The following CHEK1 variants were observed in gnomAD, a reference collection of about 807,000 sequenced individuals.
CHEK1 encodes the protein checkpoint kinase 1, also known as serine/threonine-protein kinase Chk1.
In CHEK1, 32 loss-of-function variants were observed where a neutral mutation model predicts 60.2. That is an observed-to-expected ratio of 0.53 (90% confidence interval 0.40 to 0.71). CHEK1 has a LOEUF of 0.71. Ranked by LOEUF, CHEK1 falls within the 30% of genes least tolerant of loss-of-function variation. The pLI is 0.00. For synonymous variants in CHEK1, 179 were observed against 187.2 expected (o/e 0.96, Z 0.36); for missense variants, 399 against 564.6 (o/e 0.71, Z 2.97).
Position 125,625,446 on chromosome 11 carries a change from C to G in CHEK1, c.-587C>G, listed in dbSNP as rs760580901. ...GTTCCTCCCATTTCTTCACAGTCGG[C>G]TCTCAGCAGCTGCTGCTGGTTTCTC... On this transcript the variant is annotated 5_prime_UTR_variant, in exon 1 of 13. Transcript: ENST00000438015. The G allele has an allele frequency of 2.1e-5, 7 of 329,820 alleles. No individual in the cohort carries two copies. Among genetic ancestry groups the G allele is most frequent in the Non-Finnish European group, 3.9e-5 (7 of 178,782 alleles). The allele number at this position is 329,820 out of a possible 1,614,324, so 20.4% of individuals were successfully genotyped here. A position where few individuals can be genotyped will look rare whatever the true frequency, so the allele number is the denominator to read the frequency against.
intron 7 of CHEK1, chr11:125,636,121 G>A (rs1446597372): frequency 1.3e-5 from 2 of 151,998 alleles, no homozygotes; most frequent in Non-Finnish European, 1.5e-5. Context: ...TTATACGTGT[G>A]GTCCATTCCT....
downstream of CHEK1, chr11:125,678,303 A>G (rs776560355): frequency 1.2e-5 from 20 of 1,612,508 alleles, no homozygotes; most frequent in Non-Finnish European, 1.5e-5. Context: ...TGTTCCTGGG[A>G]TGGAGAAGGA....
rs539076426 is a variant in CHEK1, at chr11:125,671,505, T to C, written c.*28-4423T>C. 1.9e-4 allele frequency: 29 copies of C among 152,326 alleles called. No individual in the cohort carries two copies. The East Asian group carries it at 4.8e-3, about 25-fold the overall frequency. The allele number at this position is 152,326 out of a possible 1,614,324, so 9.4% of individuals were successfully genotyped here. A position where few individuals can be genotyped will look rare whatever the true frequency, so the allele number is the denominator to read the frequency against. On this transcript the variant is annotated intron_variant, in intron 13 of 13. Transcript: ENST00000428830. Reference sequence around the variant, plus strand: ...GCCAGTGAAGAGCTTGTTAGCAATATATTTTGGGGAAGGGGTCATGATGTG... The same window carrying C: ...GCCAGTGAAGAGCTTGTTAGCAATACATTTTGGGGAAGGGGTCATGATGTG...
chr11:125,660,048 T>C (rs1212481267), downstream of CHEK1, among the ~76,000 whole-genome samples: 2 of 152,186 alleles, frequency 1.3e-5, no homozygotes, highest in Non-Finnish European at 2.9e-5. Flanking sequence ...TGAATAATTT[T>C]CGTGTGCGTG....
chr11:125,641,655 C>T (rs1471746965), intron 8 of CHEK1, among the ~76,000 whole-genome samples: 2 of 152,198 alleles, frequency 1.3e-5, no homozygotes, highest in South Asian at 4.1e-4. Context: ...TTAATGGCAA[C>T]TGCATTATTC....
At chr11:125,667,356 A>G (rs577978738) in intron 13 of CHEK1, among the ~76,000 whole-genome samples, 1 of 152,212 alleles carries the variant, frequency 6.6e-6, no homozygotes, top group African/African-American at 2.4e-5. Context: ...TCATGGCTGC[A>G]TATTATTCCT....
rs2553832 is a variant in CHEK1 at position 125,631,835 on chromosome 11, C to G, written c.425-1328C>G. ...TGTGATCACATCACTACACTCTAGT[C>G]TGGGCAGCAGAGTGAGACACTTTCT... is the stretch of plus-strand genomic sequence containing the variant. On this transcript the variant is annotated intron_variant, in intron 5 of 12. Coordinates refer to ENST00000438015, the MANE Select transcript of CHEK1 (RefSeq NM_001114122.3). 8.6e-5 allele frequency among the ~76,000 whole-genome samples: 10 copies of G among 116,068 alleles called. No individual in the cohort carries two copies. In the East Asian group the frequency reaches 2.0e-3, roughly 23 times the overall value. 76.1% of individuals were successfully genotyped at this position (116,068 alleles called of 152,430 possible). A position where few individuals can be genotyped will look rare whatever the true frequency, so the allele number is the denominator to read the frequency against.
intron 13 of CHEK1, among the ~76,000 whole-genome samples, chr11:125,673,507 T>C (rs1310087327): frequency 6.6e-6 from 1 of 152,108 alleles, no homozygotes; most frequent in Non-Finnish European, 1.5e-5. Flanking sequence ...GGCCTGAAAC[T>C]ACACCCTTTC....
chr11:125,676,408 G>T (rs372486582), downstream of CHEK1: 29 of 1,614,064 alleles, frequency 1.8e-5, no homozygotes, highest in Non-Finnish European at 2.5e-5. Flanking sequence ...GAGTGATGCA[G>T]GTTCCCTCTC....
intron 7 of CHEK1, 34 bp from the exon 8 acceptor site, chr11:125,637,413 TTC>T: frequency 6.4e-7 from 1 of 1,556,588 alleles, no homozygotes; most frequent in South Asian, 1.2e-5. Context: ...TCTAACATGA[TTC>T]TTTCGTGAAT....
chr11:125,654,992 G>A (rs755297976), intron 12 of CHEK1, among the ~76,000 whole-genome samples: 1 of 152,130 alleles, frequency 6.6e-6, no homozygotes, highest in Non-Finnish European at 1.5e-5. Flanking sequence ...TCTGCTCTCT[G>A]AGCTCAGTGC....
intron 13 of CHEK1, among the ~76,000 whole-genome samples, chr11:125,666,038 A>T (rs1356066902): frequency 6.7e-6 from 1 of 149,644 alleles, no homozygotes; most frequent in Non-Finnish European, 1.5e-5. Flanking sequence ...TTTGGATTTG[A>T]TTTTTTTAAA....
chr11:125,627,445 A>C (rs561846166), intron 2 of CHEK1, among the ~76,000 whole-genome samples, 162 bp from the exon 3 acceptor site: 1 of 152,328 alleles, frequency 6.6e-6, no homozygotes, highest in East Asian at 1.9e-4. Flanking sequence ...ACATTTTAGA[A>C]AAGAGTAGTG....
chr11:125,676,235 A>C, exon 14 of CHEK1: 4 of 1,296,604 alleles, frequency 3.1e-6, no homozygotes, highest in Non-Finnish European at 4.3e-6. Context: ...TCCTTGAAAA[A>C]ATAAAGTTCT....
chr11:125,658,685 CTTTTTTTTT>C (rs67342073), downstream of CHEK1, among the ~76,000 whole-genome samples: 7 of 34,880 alleles, frequency 2.0e-4, no homozygotes, highest in Non-Finnish European at 2.5e-4. Context: ...ATGGCTTTTG[CTTTTTTTTT>C]TTTTTTTTTT....
chr11:125,627,899 C>G (rs1940690298), intron 3 of CHEK1, 69 bp downstream of exon 3: 4 of 1,236,792 alleles, frequency 3.2e-6, no homozygotes, highest in South Asian at 1.6e-5. Flanking sequence ...CTTGGGCATG[C>G]TATTTGGTCG....
chr11:125,642,661 A>G (rs1941351007), intron 8 of CHEK1, among the ~76,000 whole-genome samples: 1 of 152,220 alleles, frequency 6.6e-6, no homozygotes. Flanking sequence ...ATAACAGAGG[A>G]TCAAGATCCC....
At chr11:125,665,700 A>G (rs908626430) in intron 13 of CHEK1, among the ~76,000 whole-genome samples, 10 of 151,908 alleles carry the variant, frequency 6.6e-5, no homozygotes, top group African/African-American at 2.4e-4. Flanking sequence ...TTATGGTTCA[A>G]TCTTGATAGG....
chr11:125,660,267 A>C (rs1345940989), downstream of CHEK1, among the ~76,000 whole-genome samples: 1 of 152,354 alleles, frequency 6.6e-6, no homozygotes, highest in African/African-American at 2.4e-5. Context: ...GTATATCTCC[A>C]TGTAATTAAC....
Sources: allele counts gnomAD v4.1 joint callset (sites outside exome capture counted in the v4.1 genomes callset), GRCh38; gene constraint gnomAD v4.1.1; transcripts MANE v1.5; gene names NCBI Gene and HGNC (gene_info 2026-07-23, HGNC 2026-07-21).